The following TMEM150B variants were observed in gnomAD, a reference collection of about 807,000 sequenced individuals.
TMEM150B encodes transmembrane protein 150B.
A neutral mutation model predicts 25.2 loss-of-function variants in TMEM150B; 33 were observed. The observed-to-expected ratio is 1.31, with a 90% CI of 0.99 to 1.75. The LOEUF is 1.75. TMEM150B is among the 40% of genes most tolerant of loss of function. The pLI is 0.00. For synonymous variants in TMEM150B, 133 were observed against 134.8 expected (o/e 0.99, Z 0.09); for missense variants, 322 against 306.1 (o/e 1.05, Z -0.39).
downstream of TMEM150B, among the ~76,000 whole-genome samples, chr19:55,309,645 C>G (rs1258732427): frequency 1.3e-5 from 2 of 152,146 alleles, no homozygotes; most frequent in African/African-American, 4.8e-5. Flanking sequence ...CATGAAGGCC[C>G]CACCCTCATG....
chr19:55,319,795 A>G, intron 6 of TMEM150B: 1 of 1,333,870 alleles, frequency 7.5e-7, no homozygotes, highest in Non-Finnish European at 9.6e-7. Flanking sequence ...GCTGGCAGAA[A>G]ATTATCCCAA....
chr19:55,314,823 C>T (rs548998473), intron 7 of TMEM150B, among the ~76,000 whole-genome samples: 8 of 152,180 alleles, frequency 5.3e-5, no homozygotes, highest in Non-Finnish European at 8.8e-5. Flanking sequence ...CCAGGAAATA[C>T]GATCACCATT....
In TMEM150B at chr19:55,322,750, A is replaced by G; in HGVS notation, c.-153-7T>C. Reference sequence around the variant, plus strand: ...TGGGGCTCAGGCAGACATCCTGCAGAGGCAAAGTCCAGGCTGCAGGACTGC... The same window carrying G: ...TGGGGCTCAGGCAGACATCCTGCAGGGGCAAAGTCCAGGCTGCAGGACTGC... On this transcript the variant is annotated splice_region_variant and splice_polypyrimidine_tract_variant and intron_variant, in intron 1 of 7. Transcript: ENST00000326652. 1 of 985,168 alleles carries G rather than the reference A, an allele frequency of 1.0e-6. No homozygotes were observed. Among genetic ancestry groups the G allele is most frequent in the Non-Finnish European group, 1.2e-6 (1 of 829,802 alleles). 61.0% of individuals were successfully genotyped at this position (985,168 alleles called of 1,614,324 possible).
At chr19:55,316,631 C>CGAAGTCGGTTCGA in intron 7 of TMEM150B, 155 bp downstream of exon 7, 1 of 801,734 alleles carries the variant, frequency 1.2e-6, no homozygotes, top group Non-Finnish European at 1.7e-6. Context: ...AACCTGACCC[C>CGAAGTCGGTTCGA]GAAGTCGGCA....
intron 6 of TMEM150B, among the ~76,000 whole-genome samples, chr19:55,317,668 C>T (rs890492113): frequency 2.6e-5 from 4 of 152,002 alleles, no homozygotes; most frequent in African/African-American, 9.7e-5. Context: ...GTAATCCCAG[C>T]TACTTGGGAG....
At chr19:55,324,803 C>T (rs906253824) in intron 1 of TMEM150B, 2 of 985,258 alleles carry the variant, frequency 2.0e-6, no homozygotes, top group South Asian at 4.7e-5. Flanking sequence ...CTTCTTTTTC[C>T]GGAGGTCTCC....
At chr19:55,324,635 G>A (rs1381951683) in intron 1 of TMEM150B, 1 of 836,250 alleles carries the variant, frequency 1.2e-6, no homozygotes, top group Non-Finnish European at 1.4e-6. Context: ...GCGACAGAGT[G>A]AGACTCCGTC....
intron 1 of TMEM150B, among the ~76,000 whole-genome samples, chr19:55,323,578 C>T (rs2089259865): frequency 1.3e-5 from 2 of 151,344 alleles, no homozygotes; most frequent in African/African-American, 4.9e-5. Context: ...TTTCGGCTCA[C>T]TGCAACCTCT....
rs773793380 is a variant in TMEM150B, at chr19:55,320,059, A to G, written c.304T>C (p.Ser102Pro). 1 of 1,614,162 alleles carries G rather than the reference A, an allele frequency of 6.2e-7. No individual in the cohort carries two copies. The highest frequency in any genetic ancestry group is 8.5e-7 in the Non-Finnish European group (1 of 1,180,018). The change falls in exon 6 of 8, where the codon TCC (serine) becomes CCC (proline). Residue 102 changes from serine (S) to proline (P), a missense_variant. Physicochemically the swap from Ser to Pro is moderately conservative, Grantham distance 74. Coordinates refer to ENST00000326652, the MANE Select transcript of TMEM150B (RefSeq NM_001282011.2). ...CTCACCTGGAAATTGCCTACCACGG[A>G]GGTGCCCAGGGCACACAGAAGACCC... Reference protein sequence around the residue: ...WTGLLCALGTSVVGNFQEKNQ... With the variant: ...WTGLLCALGTPVVGNFQEKNQ...
intron 2 of TMEM150B, 64 bp from the exon 3 acceptor site, chr19:55,321,157 C>T (rs147229965): frequency 7.5e-6 from 11 of 1,463,198 alleles, no homozygotes; most frequent in East Asian, 5.0e-5. Context: ...CACTAGGCCC[C>T]GCTTGGCTCT....
downstream of TMEM150B, chr19:55,312,122 C>G (rs2088815351): frequency 2.6e-6 from 2 of 760,176 alleles, no homozygotes; most frequent in Non-Finnish European, 4.1e-6. Flanking sequence ...TCCGTGCCCC[C>G]CAACTGTGAA....
chr19:55,324,844 C>T, intron 1 of TMEM150B: 1 of 985,348 alleles, frequency 1.0e-6, no homozygotes, highest in Non-Finnish European at 1.2e-6. Flanking sequence ...GAGCCACCCC[C>T]TGCCCTCAGG....
At chr19:55,319,936 G>A in intron 6 of TMEM150B, 103 bp downstream of exon 6, 12 of 1,553,102 alleles carry the variant, frequency 7.7e-6, no homozygotes, top group African/African-American at 6.9e-5. Context: ...GGGCCGGGCG[G>A]GAACCAGCCC....
intron 7 of TMEM150B, among the ~76,000 whole-genome samples, chr19:55,315,881 G>C (rs1374614521): frequency 2.0e-5 from 3 of 152,160 alleles, no homozygotes; most frequent in Non-Finnish European, 4.4e-5. Flanking sequence ...AGTGAGCTGA[G>C]ATCACGCCAC....
downstream of TMEM150B, among the ~76,000 whole-genome samples, chr19:55,311,744 CCAATT>C (rs2088801104): frequency 6.6e-6 from 1 of 152,138 alleles, no homozygotes; most frequent in Admixed American, 6.5e-5. Flanking sequence ...CTCCGAGTAA[CCAATT>C]CAAGGCCAGG....
At chr19:55,318,831 C>T (rs1332050502) in intron 6 of TMEM150B, among the ~76,000 whole-genome samples, 1 of 152,162 alleles carries the variant, frequency 6.6e-6, no homozygotes, top group Non-Finnish European at 1.5e-5. Context: ...GACAAGGTCT[C>T]ACTCTGTTCA....
At chr19:55,312,689 C>G (rs1171052497), downstream of TMEM150B, 8 of 758,278 alleles carry the variant, frequency 1.1e-5, no homozygotes, top group Non-Finnish European at 6.2e-6. Context: ...ACCAGCTGTT[C>G]AGAGGCCCTC....
At position 55,316,855 on chromosome 19, in the gene TMEM150B, G is replaced by T; in HGVS notation, c.436C>A (p.Pro146Thr). ...AGGGGCCCAATCCAGGCAGCCCCGG[G>T]CTGGGGCAGCCTCTTCAGCCTCCAC... ...LLWRLKRLPQPGAAWIGPLRL... is the reference protein window; with the variant it reads ...LLWRLKRLPQTGAAWIGPLRL... Residue 146 changes from proline (P) to threonine (T), a missense_variant, in exon 7 of 8, where the codon CCC becomes ACC. Transcript: ENST00000326652. 1 of 1,594,422 alleles carries T rather than the reference G, an allele frequency of 6.3e-7. No homozygotes were observed. Among genetic ancestry groups the T allele is most frequent in the Non-Finnish European group, 8.5e-7 (1 of 1,172,974 alleles).
downstream of TMEM150B, chr19:55,312,380 G>A: frequency 5.0e-6 from 1 of 198,250 alleles, no homozygotes; most frequent in Non-Finnish European, 1.0e-5. Flanking sequence ...TCCGGACAGG[G>A]CCCTCTGTCC....
Sources: allele counts gnomAD v4.1 joint callset (sites outside exome capture counted in the v4.1 genomes callset), GRCh38; gene constraint gnomAD v4.1.1; transcripts MANE v1.5; gene names NCBI Gene and HGNC (gene_info 2026-07-23, HGNC 2026-07-21).